The following SLC12A9 variants were observed in gnomAD, a reference collection of about 807,000 sequenced individuals.
SLC12A9 encodes solute carrier family 12 member 9.
In SLC12A9, 55 loss-of-function variants were observed where a neutral mutation model predicts 66.0. That is an observed-to-expected ratio of 0.83 (90% CI 0.67 to 1.04). SLC12A9 has a LOEUF of 1.04. Among genes scored for constraint, SLC12A9 ranks in the 50% least tolerant of loss-of-function variants. The pLI, the probability that SLC12A9 is intolerant of heterozygous loss-of-function variation, is 0.00. For synonymous variants in SLC12A9, 577 were observed against 569.0 expected (o/e 1.01, Z -0.20); for missense variants, 1,061 against 1,241.9 (o/e 0.85, Z 2.19).
At chr7:100,848,921 AAAG>A (rs1813991550), upstream of SLC12A9, among the ~76,000 whole-genome samples, 1 of 151,674 alleles carries the variant, frequency 6.6e-6, no homozygotes, top group Non-Finnish European at 1.5e-5. Flanking sequence ...AGAAAGAAAG[AAAG>A]AAAGAAAGAA....
At chr7:100,846,428 G>A (rs189537032) in intron 1 of SLC12A9, among the ~76,000 whole-genome samples, 6 of 152,240 alleles carry the variant, frequency 3.9e-5, no homozygotes, top group Non-Finnish European at 5.9e-5. Context: ...TGAGCCGGGC[G>A]TGGTGGCGGG....
Position 100,859,719 on chromosome 7 carries a change from AAGG to A in SLC12A9, c.978-164_978-162del, listed in dbSNP as rs1213390964. ...GAGTGAGACCTTGTCTCTTAAAAAA[AAGG>A]AAGGAATGACCACTGAGTGATTAAA... is the stretch of plus-strand genomic sequence containing the variant. On this transcript the variant is annotated intron_variant, in intron 7 of 13. Coordinates refer to ENST00000354161, the MANE Select transcript of SLC12A9 (RefSeq NM_020246.4). The A allele has an allele frequency of 9.6e-6, 8 of 833,824 alleles. No homozygotes were observed. In the African/African-American group the frequency reaches 1.4e-4, roughly 14 times the overall value. 51.7% of individuals were successfully genotyped at this position (833,824 alleles called of 1,614,324 possible). A position where few individuals can be genotyped will look rare whatever the true frequency, so the allele number is the denominator to read the frequency against.
chr7:100,827,187 G>A lies in SLC12A9; in HGVS notation n.228+140G>A, dbSNP rs1813431070. 10 of 646,490 alleles carry A rather than the reference G, an allele frequency of 1.5e-5. No individual in the cohort carries two copies. In the East Asian group the frequency reaches 3.2e-4, roughly 21 times the overall value. The allele number at this position is 646,490 out of a possible 1,614,324, so 40.0% of individuals were successfully genotyped here. A position where few individuals can be genotyped will look rare whatever the true frequency, so the allele number is the denominator to read the frequency against. On this transcript the variant is annotated intron_variant and non_coding_transcript_variant, in intron 1 of 1. Coordinates refer to the SLC12A9 transcript ENST00000461016. The stretch of plus-strand genomic sequence containing the variant: ...CATGCGAGCGTGCGGGGCACCGGGC[G>A]GCGGCGCCAAGTGTGGCCCCGCGTC...
In SLC12A9 at chr7:100,859,110, CCTT is replaced by C; in HGVS notation, c.931_933del (p.Phe311del). ...GGCACGATCGTCGCCGTCGCCTACA[CCTT>C]CTTCGTCTATGTCCTGCTTTTCTTT... On this transcript the variant is annotated inframe_deletion, in exon 7 of 14. Transcript: ENST00000354161. The C allele has an allele frequency of 6.2e-7, 1 of 1,614,130 alleles. No homozygotes were observed. Among genetic ancestry groups the C allele is most frequent in the Non-Finnish European group, 8.5e-7 (1 of 1,180,032 alleles).
intron 9 of SLC12A9, chr7:100,860,931 T>C (rs1814708966): frequency 1.2e-6 from 1 of 846,514 alleles, no homozygotes; most frequent in Non-Finnish European, 1.9e-6. Flanking sequence ...ATTGACACTT[T>C]GGGGGTGCAC....
chr7:100,855,820 T>G lies in SLC12A9; in HGVS notation c.431T>G (p.Leu144Arg). ...VSLLGLVESV[L>R]DVFGADATGP... ...CTCCTGGGGCTGGTGGAGTCTGTGC[T>G]TGATGTCTTCGGGGCCGGTCTGTGC... Residue 144 changes from leucine (L) to arginine (R), a missense_variant, in exon 4 of 14, where the codon CTT becomes CGT. Transcript: ENST00000354161. 1 of 1,611,450 alleles carries G rather than the reference T, an allele frequency of 6.2e-7. No homozygotes were observed. Among genetic ancestry groups the G allele is most frequent in the Non-Finnish European group, 8.5e-7 (1 of 1,178,598 alleles).
chr7:100,833,871 T>G (rs1813590776), intron 1 of SLC12A9, among the ~76,000 whole-genome samples: 1 of 137,528 alleles, frequency 7.3e-6, no homozygotes. Context: ...AGGCGGAGCT[T>G]GCAGTGAACC....
intron 12 of SLC12A9, among the ~76,000 whole-genome samples, chr7:100,862,412 C>A (rs1319296755): frequency 1.3e-5 from 2 of 152,166 alleles, no homozygotes; most frequent in African/African-American, 4.8e-5. Flanking sequence ...GTGTGTGCCA[C>A]CAGGCCTGGC....
chr7:100,841,515 TATC>T (rs908007212), intron 1 of SLC12A9, among the ~76,000 whole-genome samples: 45 of 152,272 alleles, frequency 3.0e-4, no homozygotes, highest in African/African-American at 1.0e-3. Flanking sequence ...GTTAAAGAAG[TATC>T]ATCCAGTTTT....
Position 100,854,329 on chromosome 7 carries a change from G to A in SLC12A9, c.132G>A (p.Val44=). The A allele has an allele frequency of 6.2e-7, 1 of 1,612,350 alleles. No individual in the cohort carries two copies. Among genetic ancestry groups the A allele is most frequent in the Non-Finnish European group, 8.5e-7 (1 of 1,179,514 alleles). The change falls in exon 2 of 14, where the codon GTG becomes GTA. Residue 44 remains valine (V), a synonymous_variant. Transcript: ENST00000354161. ...AGCTGTCCACCTTCCTGGGTGTGGT[G>A]GTGCCCACTGTCCTGTCCATGTTCA... ...ARKLSTFLGV[V]VPTVLSMFSI...
chr7:100,861,053 A>C lies in SLC12A9; in HGVS notation c.1219-85A>C. On this transcript the variant is annotated intron_variant, in intron 9 of 13. Coordinates refer to ENST00000354161, the MANE Select transcript of SLC12A9 (RefSeq NM_020246.4). This position sits in a 1 kb window ranked among gnomAD's most constrained non-coding sequence, Gnocchi z 5.3. Reference sequence around the variant, plus strand: ...CTGGGGCTCATTGACACTTTGGGGTACACTGGCATTCTTTGGTGTTCACTG... The same window carrying C: ...CTGGGGCTCATTGACACTTTGGGGTCCACTGGCATTCTTTGGTGTTCACTG... 6.2e-7 allele frequency: 1 copy of C among 1,605,144 alleles called. No individual in the cohort carries two copies. The highest frequency in any genetic ancestry group is 8.5e-7 in the Non-Finnish European group (1 of 1,175,420).
At position 100,857,017 on chromosome 7, in the gene SLC12A9, G is replaced by A; in HGVS notation, c.598G>A (p.Val200Ile). 6.2e-7 allele frequency: 1 copy of A among 1,614,174 alleles called. No homozygotes were observed. Among genetic ancestry groups the A allele is most frequent in the Non-Finnish European group, 8.5e-7 (1 of 1,180,032 alleles). ...ARASFLTFLLVSGSLASVLIS... is the reference protein window; with the variant it reads ...ARASFLTFLLISGSLASVLIS... ...GGCCTCATTCCTCACATTCCTGCTG[G>A]TCTCTGGCTCCCTGGCCTCTGTGCT... is the stretch of plus-strand genomic sequence containing the variant. Residue 200 changes from valine to isoleucine, a missense_variant, in exon 5 of 14, where the codon GTC becomes ATC. By Grantham distance (29) the Val-to-Ile change is conservative. Coordinates refer to ENST00000354161, the MANE Select transcript of SLC12A9 (RefSeq NM_020246.4).
Position 100,866,695 on chromosome 7 carries a change from C to T in SLC12A9, c.*90C>T, listed in dbSNP as rs1485122580. Reference sequence around the variant, plus strand: ...AGGAGGAAGAGGAGGCCACTGTGGCCCGTGGCCCTGCCCTTGGGACGTGGA... The same window carrying T: ...AGGAGGAAGAGGAGGCCACTGTGGCTCGTGGCCCTGCCCTTGGGACGTGGA... On this transcript the variant is annotated 3_prime_UTR_variant, in exon 14 of 14. Transcript: ENST00000354161. The surrounding 1 kb of genome is among the most constrained non-coding windows in gnomAD (Gnocchi z 7.3). The T allele has an allele frequency of 7.4e-7, 1 of 1,348,842 alleles. No individual in the cohort carries two copies. Among genetic ancestry groups the T allele is most frequent in the Non-Finnish European group, 9.7e-7 (1 of 1,027,150 alleles). 83.6% of individuals were successfully genotyped at this position (1,348,842 alleles called of 1,614,324 possible). A position where few individuals can be genotyped will look rare whatever the true frequency, so the allele number is the denominator to read the frequency against.
chr7:100,827,094 A>C, intron 1 of SLC12A9: 1 of 1,518,410 alleles, frequency 6.6e-7, no homozygotes, highest in Non-Finnish European at 8.9e-7. Flanking sequence ...CCCAGGTCTG[A>C]CTCTCCCTGG....
rs1475168350 is a variant in SLC12A9 at position 100,865,982 on chromosome 7, CCT to C, written c.2123_2124del (p.Pro708ArgfsTer55). On this transcript the variant is annotated frameshift_variant, in exon 14 of 14. Transcript: ENST00000354161. LOFTEE classifies it high-confidence loss of function. ...GGCCCGGGCCAGCGGGGCCTTGCCCCCTGAGCGGCTGAGCCGGGGGTCTGGGG... is the reference window on the plus strand; with the variant it reads ...GGCCCGGGCCAGCGGGGCCTTGCCCCGAGCGGCTGAGCCGGGGGTCTGGGG... ...VLARASGALPPERLSRGSGGT... is the reference protein window; with the variant it reads ...VLARASGALPXERLSRGSGGT... The C allele has an allele frequency of 6.2e-7, 1 of 1,612,760 alleles. No homozygotes were observed. Among genetic ancestry groups the C allele is most frequent in the Non-Finnish European group, 8.5e-7 (1 of 1,179,850 alleles).
chr7:100,838,728 C>T (rs551562906), intron 1 of SLC12A9, among the ~76,000 whole-genome samples: 1 of 152,086 alleles, frequency 6.6e-6, no homozygotes, highest in South Asian at 2.1e-4. Context: ...TTCATATTGT[C>T]TTATGCCTAA....
chr7:100,849,963 C>T (rs548871005), upstream of SLC12A9, among the ~76,000 whole-genome samples: 1 of 151,994 alleles, frequency 6.6e-6, no homozygotes, highest in Admixed American at 6.5e-5. Context: ...ACCTCTGCAT[C>T]CCAGGTTCAA....
intron 1 of SLC12A9, among the ~76,000 whole-genome samples, chr7:100,840,310 A>G (rs1290656884): frequency 2.0e-5 from 3 of 152,206 alleles, no homozygotes; most frequent in African/African-American, 7.2e-5. Context: ...AGGAGACTAT[A>G]GAGTACTATG....
intron 9 of SLC12A9, 164 bp from the exon 10 acceptor site, chr7:100,860,974 G>T: frequency 7.9e-7 from 1 of 1,266,666 alleles, no homozygotes. Flanking sequence ...CATTTTGGGG[G>T]TTCATTGACA....
Sources: gnomAD v4.1 joint callset for allele counts (sites outside exome capture counted in the v4.1 genomes callset) on GRCh38, gnomAD v4.1.1 for gene constraint, Gnocchi (gnomAD v3.1) non-coding constraint, MANE v1.5 for transcripts, NCBI Gene and HGNC (gene_info 2026-07-23, HGNC 2026-07-21) for gene names.